Variants in HACE1 observed in about 807,000 individuals in gnomAD.
The protein encoded by HACE1 is E3 ubiquitin-protein ligase HACE1.
In HACE1, 73 loss-of-function variants were observed where a neutral mutation model predicts 118.4. The observed-to-expected ratio is 0.62, with a 90% CI of 0.51 to 0.75. The LOEUF is 0.75. HACE1 is among the 30% of genes least tolerant of loss of function. HACE1 has a pLI of 0.00. For missense variants in HACE1, 749 were observed against 1,102.2 expected (o/e 0.68, Z 4.54); for synonymous variants, 368 against 374.8 (o/e 0.98, Z 0.21).
chr6:104,735,590 C>G (rs1269548643), intron 22 of HACE1, among the ~76,000 whole-genome samples: 1 of 151,366 alleles, frequency 6.6e-6, no homozygotes, highest in African/African-American at 2.4e-5. Context: ...GAGATGGCGC[C>G]AGTGCACTCC....
chr6:104,745,329 G>A (rs1323309539), intron 20 of HACE1, among the ~76,000 whole-genome samples: 3 of 152,118 alleles, frequency 2.0e-5, no homozygotes, highest in Non-Finnish European at 4.4e-5. Flanking sequence ...GGGAAAAGAG[G>A]ACATGAAAAG....
intron 1 of HACE1, among the ~76,000 whole-genome samples, chr6:104,853,740 A>G (rs1776459599): frequency 6.6e-6 from 1 of 152,168 alleles, no homozygotes; most frequent in Non-Finnish European, 1.5e-5. Flanking sequence ...TATGCTCAAT[A>G]TCATATAGTT....
chr6:104,797,163 A>C, intron 7 of HACE1, 138 bp from the exon 8 acceptor site: 1 of 599,798 alleles, frequency 1.7e-6, no homozygotes, highest in Non-Finnish European at 2.9e-6. Flanking sequence ...ACATCTTCAT[A>C]ATCACAAAAA....
intron 17 of HACE1, 64 bp from the exon 18 acceptor site, chr6:104,772,138 G>A (rs761628007): frequency 3.3e-5 from 30 of 911,750 alleles, no homozygotes; most frequent in Non-Finnish European, 4.0e-5. Context: ...AGATTACTTC[G>A]ATGCAGATAA....
chr6:104,848,013 G>A (rs1313453116), intron 4 of HACE1, among the ~76,000 whole-genome samples: 1 of 151,466 alleles, frequency 6.6e-6, no homozygotes, highest in Non-Finnish European at 1.5e-5. Flanking sequence ...CACCATGCCT[G>A]GATTATTTTT....
chr6:104,801,703 G>T (rs1770375097), intron 7 of HACE1, among the ~76,000 whole-genome samples: 1 of 152,082 alleles, frequency 6.6e-6, no homozygotes, highest in Admixed American at 6.5e-5. Flanking sequence ...CCTTACAAGA[G>T]CTCCTCCTGA....
Position 104,752,769 on chromosome 6 carries a change from CTT to C in HACE1, c.2212-2299_2212-2298del, listed in dbSNP as rs1778199965. 3.9e-5 allele frequency among the ~76,000 whole-genome samples: 6 copies of C among 152,104 alleles called. No individual in the cohort carries two copies. The South Asian group carries it at 8.3e-4, about 21-fold the overall frequency. On this transcript the variant is annotated intron_variant, in intron 19 of 23. Transcript: ENST00000262903. ...AATTAATTTTTACAAATATAATACT[CTT>C]TATCACACTTTTCCTTCCATTTATT...
At chr6:104,841,972 A>C (rs183889496) in intron 5 of HACE1, among the ~76,000 whole-genome samples, 126 of 152,304 alleles carry the variant, frequency 8.3e-4, no homozygotes, top group African/African-American at 3.0e-3. Flanking sequence ...TTATTTTTGC[A>C]AAGAAAGTGG....
intron 2 of HACE1, 149 bp from the exon 3 acceptor site, chr6:104,851,145 G>A (rs1334832909): frequency 2.4e-5 from 15 of 628,824 alleles, no homozygotes; most frequent in South Asian, 4.9e-5. Context: ...GTACAGTGGC[G>A]AGATCTTGGC....
intron 22 of HACE1, among the ~76,000 whole-genome samples, chr6:104,737,587 G>A (rs1259068870): frequency 1.3e-5 from 2 of 152,106 alleles, no homozygotes; most frequent in Admixed American, 6.5e-5. Context: ...TAGAAAATCG[G>A]GTCACTCCCA....
intron 19 of HACE1, among the ~76,000 whole-genome samples, chr6:104,755,069 C>T (rs1778442508): frequency 6.6e-6 from 1 of 151,892 alleles, no homozygotes; most frequent in South Asian, 2.1e-4. Context: ...CACACACAGG[C>T]TCTAAATAAA....
chr6:104,746,298 T>C (rs1045261684), intron 20 of HACE1, among the ~76,000 whole-genome samples: 2 of 152,214 alleles, frequency 1.3e-5, no homozygotes, highest in African/African-American at 4.8e-5. Flanking sequence ...TGTGTTTTAG[T>C]CCTAGTCACA....
chr6:104,748,082 A>G (rs1369808131), intron 20 of HACE1, among the ~76,000 whole-genome samples: 1 of 152,048 alleles, frequency 6.6e-6, no homozygotes, highest in Non-Finnish European at 1.5e-5. Context: ...AGCTTCTTCC[A>G]TCAAAAAAAA....
intron 11 of HACE1, among the ~76,000 whole-genome samples, chr6:104,790,577 G>A (rs9486013): frequency 0.21 from 31,750 of 151,932 alleles, 4,067 homozygotes; most frequent in African/African-American, 0.37. Flanking sequence ...ACATGGCAAA[G>A]CCCCATCTCT....
intron 5 of HACE1, among the ~76,000 whole-genome samples, chr6:104,833,490 TTA>T (rs1238664463): frequency 5.3e-5 from 8 of 152,218 alleles, no homozygotes; most frequent in African/African-American, 1.9e-4. Context: ...AAATTAGGTT[TTA>T]TATGAGGAAA....
At chr6:104,776,910 TAA>T in intron 16 of HACE1, 82 bp from the exon 17 acceptor site, 1 of 1,285,600 alleles carries the variant, frequency 7.8e-7, no homozygotes. Flanking sequence ...AATTTAAATA[TAA>T]AGTTTCTTCC....
chr6:104,744,451 A>G (rs1777184027), intron 21 of HACE1, 61 bp downstream of exon 21: 2 of 988,710 alleles, frequency 2.0e-6, no homozygotes, highest in Admixed American at 3.4e-5. Context: ...AATAGTGCTG[A>G]AAAGCTTACA....
At chr6:104,730,534 C>T in intron 22 of HACE1, 118 bp from the exon 23 acceptor site, 1 of 683,652 alleles carries the variant, frequency 1.5e-6, no homozygotes, top group Non-Finnish European at 2.7e-6. Flanking sequence ...GACAACACGA[C>T]ACTTTTTAGT....
intron 19 of HACE1, among the ~76,000 whole-genome samples, chr6:104,752,251 T>C (rs1206318951): frequency 1.3e-5 from 2 of 152,168 alleles, no homozygotes; most frequent in East Asian, 1.9e-4. Flanking sequence ...CAGGTACTTA[T>C]TATAGAGAGG....
Sources: allele counts gnomAD v4.1 joint callset (sites outside exome capture counted in the v4.1 genomes callset), GRCh38; gene constraint gnomAD v4.1.1; transcripts MANE v1.5; gene names NCBI Gene and HGNC (gene_info 2026-07-23, HGNC 2026-07-21).